Variants in PPP1R8 observed in about 807,000 individuals in gnomAD.
The protein encoded by PPP1R8 is nuclear inhibitor of protein phosphatase 1.
PPP1R8 carries 4 observed loss-of-function variants against 31.3 expected under a neutral mutation model. The ratio of observed to expected loss-of-function variants is 0.13; its 90% CI spans 0.06 to 0.29. PPP1R8 has a LOEUF of 0.29. Ranked by LOEUF, PPP1R8 falls within the 10% of genes least tolerant of loss-of-function variation. The probability of loss-of-function intolerance (pLI) is 1.00; values close to 1 mark genes in which losing one functional copy is unlikely to be tolerated. For synonymous variants in PPP1R8, 170 were observed against 169.7 expected (o/e 1.00, Z -0.01); for missense variants, 254 against 440.1 (o/e 0.58, Z 3.78).
At chr1:27,844,561 C>T (rs1309336251) in intron 5 of PPP1R8, among the ~76,000 whole-genome samples, 1 of 151,800 alleles carries the variant, frequency 6.6e-6, no homozygotes, top group African/African-American at 2.4e-5. Flanking sequence ...AACTCCTGAC[C>T]TCAGGTGATC....
rs1282808707 is a variant in PPP1R8, at chr1:27,840,378, T to C, written c.272-636T>C. 2.0e-5 allele frequency among the ~76,000 whole-genome samples: 3 copies of C among 152,232 alleles called. No individual in the cohort carries two copies. In the East Asian group the frequency reaches 5.8e-4, roughly 29 times the overall value. On this transcript the variant is annotated intron_variant, in intron 3 of 6. Coordinates refer to ENST00000311772, the MANE Select transcript of PPP1R8 (RefSeq NM_014110.5). ...GCTTTGTCTCGCAAATACTTATCTT[T>C]TCTCTCCCATTTTATAACATGCAGA...
At chr1:27,838,443 A>T (rs2089192181) in intron 2 of PPP1R8, among the ~76,000 whole-genome samples, 1 of 152,220 alleles carries the variant, frequency 6.6e-6, no homozygotes, top group Admixed American at 6.5e-5. Flanking sequence ...TACATTGAGG[A>T]GATGAATTAC....
intron 5 of PPP1R8, among the ~76,000 whole-genome samples, 184 bp downstream of exon 5, chr1:27,843,514 G>C (rs186037198): frequency 7.6e-4 from 116 of 152,242 alleles, no homozygotes; most frequent in Admixed American, 2.4e-3. Context: ...ACAAAAATTA[G>C]CTGGGCATGG....
At position 27,850,307 on chromosome 1, in the gene PPP1R8, T is replaced by G; in HGVS notation, c.917T>G (p.Val306Gly). 6.2e-7 allele frequency: 1 copy of G among 1,614,248 alleles called. No individual in the cohort carries two copies. The highest frequency in any genetic ancestry group is 2.2e-5 in the East Asian group (1 of 44,882). The change falls in exon 7 of 7, where the codon GTT (valine) becomes GGT (glycine). Residue 306 changes from valine (V) to glycine (G), a missense_variant. Transcript: ENST00000311772. ...NLAPDVDLTP[V>G]VPSAVNMNPA... is the part of the protein sequence containing the mutation. ...GCCCCTGATGTGGACTTGACTCCTG[T>G]TGTGCCGTCAGCAGTGAACATGAAC...
chr1:27,836,484 G>A (rs1335841283), intron 2 of PPP1R8, among the ~76,000 whole-genome samples: 2 of 152,044 alleles, frequency 1.3e-5, no homozygotes, highest in African/African-American at 2.4e-5. Flanking sequence ...GGCCGATCTC[G>A]GCTCACTGCA....
chr1:27,846,726 C>A (rs1381339135), intron 5 of PPP1R8, among the ~76,000 whole-genome samples: 2 of 152,170 alleles, frequency 1.3e-5, no homozygotes, highest in African/African-American at 4.8e-5. Context: ...AGATCACAGG[C>A]CTGTTTTGAA....
At position 27,850,319 on chromosome 1, in the gene PPP1R8, C is replaced by T. The variant is rs1571559354; in HGVS notation, c.929C>T (p.Ala310Val). The change falls in exon 7 of 7, where the codon GCA (alanine) becomes GTA (valine). Residue 310 changes from alanine (A) to valine (V), a missense_variant. Ala to Val is a moderately conservative substitution (Grantham distance 64). Coordinates refer to ENST00000311772, the MANE Select transcript of PPP1R8 (RefSeq NM_014110.5). ...GACTTGACTCCTGTTGTGCCGTCAG[C>T]AGTGAACATGAACCCTGCACCAAAC... ...DVDLTPVVPSAVNMNPAPNPA... is the reference protein window; with the variant it reads ...DVDLTPVVPSVVNMNPAPNPA... 6.2e-7 allele frequency: 1 copy of T among 1,614,244 alleles called. No individual in the cohort carries two copies. The highest frequency in any genetic ancestry group is 8.5e-7 in the Non-Finnish European group (1 of 1,180,050).
Position 27,837,845 on chromosome 1 carries a change from G to A in PPP1R8, c.118-854G>A, listed in dbSNP as rs181304881. Among the ~76,000 whole-genome samples, 50 of 152,122 alleles carry A rather than the reference G, an allele frequency of 3.3e-4. No individual in the cohort carries two copies. The East Asian group carries it at 8.7e-3, about 26-fold the overall frequency. On this transcript the variant is annotated intron_variant, in intron 2 of 6. Coordinates refer to ENST00000311772, the MANE Select transcript of PPP1R8 (RefSeq NM_014110.5). ...TAATCCCAGCACTTTAGGAGGCTGAGGTGGGCAGATCATGAGGTCAGGAGT... is the reference window on the plus strand; with the variant it reads ...TAATCCCAGCACTTTAGGAGGCTGAAGTGGGCAGATCATGAGGTCAGGAGT...
At chr1:27,839,128 C>T (rs1468293598) in intron 3 of PPP1R8, among the ~76,000 whole-genome samples, 1 of 152,078 alleles carries the variant, frequency 6.6e-6, no homozygotes, top group African/African-American at 2.4e-5. Flanking sequence ...GAAGCTGAGG[C>T]GGGAGGATCA....
intron 2 of PPP1R8, among the ~76,000 whole-genome samples, chr1:27,837,435 A>AT (rs2089178339): frequency 6.6e-6 from 1 of 151,404 alleles, no homozygotes; most frequent in South Asian, 2.1e-4. Context: ...CAAAAAAAAA[A>AT]AAGAGTTGTT....
At chr1:27,845,287 G>C (rs906435706) in intron 5 of PPP1R8, among the ~76,000 whole-genome samples, 1 of 151,262 alleles carries the variant, frequency 6.6e-6, no homozygotes, top group South Asian at 2.1e-4. Flanking sequence ...CTACTTGGGA[G>C]GTTGAGGCAG....
Position 27,830,844 on chromosome 1 carries a change from A to G in PPP1R8, c.9A>G (p.Ala3=), listed in dbSNP as rs1467497898. 1.3e-6 allele frequency: 2 copies of G among 1,576,618 alleles called. No homozygotes were observed. The highest frequency in any genetic ancestry group is 2.7e-5 in the African/African-American group (2 of 74,074). The change falls in exon 1 of 7, where the codon GCA becomes GCG. Residue 3 remains alanine, a synonymous_variant. Coordinates refer to ENST00000311772, the MANE Select transcript of PPP1R8 (RefSeq NM_014110.5). MA[A]AANSGSSLPL... Reference sequence around the variant, plus strand: ...GGAGGGGGAGACGCAAGATGGCGGCAGCCGCGAACTCCGGCTCTAGCCTCC... The same window carrying G: ...GGAGGGGGAGACGCAAGATGGCGGCGGCCGCGAACTCCGGCTCTAGCCTCC...
At chr1:27,844,703 CT>C (rs777070302) in intron 5 of PPP1R8, among the ~76,000 whole-genome samples, 1,789 of 70,430 alleles carry the variant, frequency 0.025, 4 homozygotes, top group East Asian at 0.14. Context: ...AGACAAATTT[CT>C]TTTTTTTTTT....
intron 2 of PPP1R8, among the ~76,000 whole-genome samples, chr1:27,836,180 T>A (rs746710063): frequency 6.6e-6 from 1 of 152,224 alleles, no homozygotes; most frequent in Non-Finnish European, 1.5e-5. Context: ...GAACTAGCGT[T>A]TAATGAGACC....
chr1:27,849,645 C>A (rs548706220), intron 6 of PPP1R8, among the ~76,000 whole-genome samples: 1 of 152,188 alleles, frequency 6.6e-6, no homozygotes, highest in East Asian at 1.9e-4. Context: ...CCTGCCACCA[C>A]GCCTGGCTAA....
At chr1:27,835,365 C>G (rs1346733761) in intron 2 of PPP1R8, among the ~76,000 whole-genome samples, 4 of 152,170 alleles carry the variant, frequency 2.6e-5, no homozygotes, top group Non-Finnish European at 5.9e-5. Flanking sequence ...AATTTCTGGG[C>G]TCTCTCTTAA....
intron 1 of PPP1R8, among the ~76,000 whole-genome samples, chr1:27,831,732 C>G (rs1290009647): frequency 6.6e-6 from 1 of 152,122 alleles, no homozygotes; most frequent in African/African-American, 2.4e-5. Context: ...AACATTCCTC[C>G]TTTTTCCTGG....
In PPP1R8 at chr1:27,845,815, A is replaced by G. The variant is rs189613457; in HGVS notation, c.638-1213A>G. The stretch of plus-strand genomic sequence containing the variant: ...TTTTTTTTTTTTTTTTTTGAGACGG[A>G]GTCTCCTTCTGTCGCCCAGGCTGGA... On this transcript the variant is annotated intron_variant, in intron 5 of 6. Transcript: ENST00000311772. 3.3e-4 allele frequency among the ~76,000 whole-genome samples: 32 copies of G among 96,818 alleles called. No homozygotes were observed. In the East Asian group the frequency reaches 9.6e-3, roughly 29 times the overall value. 63.5% of individuals were successfully genotyped at this position (96,818 alleles called of 152,430 possible).
In PPP1R8 at chr1:27,830,799, T is replaced by A. The variant is rs1557813490; in HGVS notation, c.-37T>A. On this transcript the variant is annotated 5_prime_UTR_variant, in exon 1 of 7. Transcript: ENST00000311772. Reference sequence around the variant, plus strand: ...TTCTCGGTCTTCCAGTTTCCCGGCGTGCTTAGGGCGCGCCAAATGGGAGGG... The same window carrying A: ...TTCTCGGTCTTCCAGTTTCCCGGCGAGCTTAGGGCGCGCCAAATGGGAGGG... 1 of 1,561,464 alleles carries A rather than the reference T, an allele frequency of 6.4e-7. No individual in the cohort carries two copies. The highest frequency in any genetic ancestry group is 8.7e-7 in the Non-Finnish European group (1 of 1,153,750).
Sources: gnomAD v4.1 joint callset for allele counts (sites outside exome capture counted in the v4.1 genomes callset) on GRCh38, gnomAD v4.1.1 for gene constraint, MANE v1.5 for transcripts, NCBI Gene and HGNC (gene_info 2026-07-23, HGNC 2026-07-21) for gene names.